The following RABGEF1 variants were observed in gnomAD, a reference collection of about 807,000 sequenced individuals.
RABGEF1 encodes the protein RAB guanine nucleotide exchange factor 1.
RABGEF1 carries 26 observed loss-of-function variants against 57.3 expected under a neutral mutation model. The ratio of observed to expected loss-of-function variants is 0.45; its 90% CI spans 0.33 to 0.63. The LOEUF is 0.63. RABGEF1 is among the 20% of genes least tolerant of loss of function. The pLI is 0.02. For missense variants in RABGEF1, 464 were observed against 607.6 expected, an observed-to-expected ratio of 0.76 and a Z score of 2.48; for synonymous variants, 185 against 210.7, an observed-to-expected ratio of 0.88 and a Z score of 1.06.
chr7:66,786,035 G>A lies in RABGEF1; in HGVS notation c.513+2194G>A, dbSNP rs543807918. Reference sequence around the variant, plus strand: ...GTTTAAAAACTGCCCAGTCAGCCTTGCCATAAATGGATAATTGTTCCTACT... The same window carrying A: ...GTTTAAAAACTGCCCAGTCAGCCTTACCATAAATGGATAATTGTTCCTACT... On this transcript the variant is annotated intron_variant, in intron 4 of 8. Transcript: ENST00000284957. Among the ~76,000 whole-genome samples the A allele has an allele frequency of 1.4e-4, 21 of 152,280 alleles. No individual in the cohort carries two copies. In the South Asian group the frequency reaches 4.1e-3, roughly 30 times the overall value.
In RABGEF1 at chr7:66,691,040, G is replaced by A. The variant is rs537674232; in HGVS notation, c.-873+8782G>A. ...GGGGAGGCAGGGGTTGCAGTGAGCC[G>A]TGATCGTGCCACTGCACTCCAGCCT... On this transcript the variant is annotated intron_variant and NMD_transcript_variant, in intron 1 of 9. Transcript: ENST00000607882. 1.6e-4 allele frequency among the ~76,000 whole-genome samples: 24 copies of A among 152,212 alleles called. 1 individual carries two copies. The highest frequency in any genetic ancestry group is 4.1e-4 in the South Asian group (2 of 4,824).
In RABGEF1 at chr7:66,727,030, T is replaced by C. The variant is rs534279199; in HGVS notation, c.-814-12966T>C. Among the ~76,000 whole-genome samples, 12 of 152,186 alleles carry C rather than the reference T, an allele frequency of 7.9e-5. No individual in the cohort carries two copies. In the South Asian group the frequency reaches 1.5e-3, roughly 18 times the overall value. ...AAAAATAATAAAATAAAATATAATA[T>C]GGACTGTGGAAATGATTGCACAACT... is the stretch of plus-strand genomic sequence containing the variant. On this transcript the variant is annotated intron_variant and NMD_transcript_variant, in intron 2 of 9. Transcript: ENST00000607882.
the RABGEF1 span, among the ~76,000 whole-genome samples, chr7:66,656,108 G>T: frequency 6.6e-6 from 1 of 152,140 alleles, no homozygotes; most frequent in African/African-American, 2.4e-5. Context: ...GTAACTACAA[G>T]GAGGTGCTTA....
chr7:66,762,524 G>C (rs1239470118), intron 1 of RABGEF1, among the ~76,000 whole-genome samples: 1 of 152,096 alleles, frequency 6.6e-6, no homozygotes, highest in Non-Finnish European at 1.5e-5. Context: ...TGGGGAGGTC[G>C]AGTGTTGTGA....
At chr7:66,738,571 A>C (rs1296875814), upstream of RABGEF1, among the ~76,000 whole-genome samples, 1 of 151,926 alleles carries the variant, frequency 6.6e-6, no homozygotes, top group African/African-American at 2.4e-5. Flanking sequence ...CTCTACAAAA[A>C]AACCCCAAAA....
the RABGEF1 span, chr7:66,669,673 T>A: frequency 6.6e-6 from 1 of 152,182 alleles, no homozygotes; most frequent in Non-Finnish European, 1.5e-5. Flanking sequence ...CTGTCAGTCA[T>A]TAGCCAGGCA....
At chr7:66,741,654 T>C (rs992787029) in intron 1 of RABGEF1, among the ~76,000 whole-genome samples, 3 of 152,184 alleles carry the variant, frequency 2.0e-5, no homozygotes, top group African/African-American at 7.2e-5. Flanking sequence ...GTTTTTGGCC[T>C]GGAGAGCTGC....
At chr7:66,678,580 A>AG (rs1327268106), upstream of RABGEF1, among the ~76,000 whole-genome samples, 25 of 151,656 alleles carry the variant, frequency 1.6e-4, no homozygotes, top group Admixed American at 3.9e-4. Context: ...AAAAAAAAAA[A>AG]AAAAGAAAAG....
At chr7:66,785,111 C>G (rs1174457132) in intron 4 of RABGEF1, among the ~76,000 whole-genome samples, 1 of 152,096 alleles carries the variant, frequency 6.6e-6, no homozygotes, top group Admixed American at 6.5e-5. Context: ...TTCTTTTGCT[C>G]AGAAGTGTGA....
chr7:66,751,852 C>T (rs1801499711), intron 1 of RABGEF1, among the ~76,000 whole-genome samples: 1 of 152,134 alleles, frequency 6.6e-6, no homozygotes, highest in African/African-American at 2.4e-5. Context: ...GAAAACCAGC[C>T]TCCTCCCCGG....
chr7:66,728,038 A>T (rs920309424), intron 2 of RABGEF1, among the ~76,000 whole-genome samples: 15 of 152,022 alleles, frequency 9.9e-5, no homozygotes, highest in Middle Eastern at 3.4e-3. Flanking sequence ...CCACCTTTCC[A>T]GTGTAATTCT....
chr7:66,797,241 T>G (rs1051519297), intron 5 of RABGEF1, 133 bp from the exon 6 acceptor site: 10 of 897,654 alleles, frequency 1.1e-5, no homozygotes, highest in South Asian at 1.8e-5. Context: ...GAGGTGGAGG[T>G]TTCAGTGAGC....
chr7:66,736,634 T>C (rs921544016), upstream of RABGEF1, among the ~76,000 whole-genome samples: 1 of 152,074 alleles, frequency 6.6e-6, no homozygotes, highest in Non-Finnish European at 1.5e-5. Flanking sequence ...GTGAGGCAGG[T>C]GGATCACTTG....
chr7:66,702,567 G>A (rs1038697629), intron 1 of RABGEF1, among the ~76,000 whole-genome samples: 9 of 152,122 alleles, frequency 5.9e-5, no homozygotes, highest in African/African-American at 1.9e-4. Context: ...TGTTTTTCAC[G>A]GAGGCTGCAC....
At chr7:66,768,544 G>T (rs1806311228) in intron 1 of RABGEF1, among the ~76,000 whole-genome samples, 1 of 152,092 alleles carries the variant, frequency 6.6e-6, no homozygotes, top group East Asian at 1.9e-4. Context: ...GTTTTGTTTT[G>T]TTGCCAGATT....
At chr7:66,753,700 C>A (rs1463761221) in intron 1 of RABGEF1, among the ~76,000 whole-genome samples, 1 of 78,510 alleles carries the variant, frequency 1.3e-5, no homozygotes, top group Non-Finnish European at 2.8e-5. Context: ...ATTTTGCCAT[C>A]GTTTTTTTTT....
chr7:66,702,665 A>G (rs902512215), intron 1 of RABGEF1, among the ~76,000 whole-genome samples: 5 of 152,198 alleles, frequency 3.3e-5, no homozygotes, highest in Non-Finnish European at 5.9e-5. Context: ...GATTATAGTC[A>G]TCTTCATGGG....
chr7:66,669,461 G>C, the RABGEF1 span, among the ~76,000 whole-genome samples: 1 of 152,168 alleles, frequency 6.6e-6, no homozygotes, highest in Non-Finnish European at 1.5e-5. Flanking sequence ...GGTTGCTGTG[G>C]GATGGGTGGC....
intron 2 of RABGEF1, among the ~76,000 whole-genome samples, chr7:66,728,975 G>T (rs1224336687): frequency 7.5e-6 from 1 of 134,068 alleles, no homozygotes; most frequent in Non-Finnish European, 1.6e-5. Context: ...TTTTGAGGCA[G>T]AGTCTTGCTC....
Sources: allele counts gnomAD v4.1 joint callset (sites outside exome capture counted in the v4.1 genomes callset), GRCh38; gene constraint gnomAD v4.1.1; transcripts MANE v1.5; gene names NCBI Gene and HGNC (gene_info 2026-07-23, HGNC 2026-07-21).